DPP10: variants seen among roughly 807,000 people sequenced by gnomAD.
The protein encoded by DPP10 is inactive dipeptidyl peptidase 10.
Under a neutral mutation model 120.9 loss-of-function variants are expected in DPP10, and 33 were observed. The observed-to-expected ratio is 0.27, with a 90% CI of 0.21 to 0.37. DPP10 has a LOEUF of 0.37. DPP10 is among the 10% of genes least tolerant of loss of function. The pLI is 1.00. For synonymous variants in DPP10, 337 were observed against 326.1 expected (o/e 1.03, Z -0.36); for missense variants, 816 against 942.8 (o/e 0.87, Z 1.76).
At position 114,662,338 on chromosome 2, in the gene DPP10, G is replaced by A. The variant is rs565805537; in HGVS notation, c.60+219500G>A. On this transcript the variant is annotated intron_variant, in intron 1 of 25. Transcript: ENST00000410059. ...CACGCGGGCCTCCCTGCGGGGGCGC[G>A]GGCACCGCTGCGCGGGGAGCTCCGG... Among the ~76,000 whole-genome samples, 5 of 152,282 alleles carry A rather than the reference G, an allele frequency of 3.3e-5. No individual in the cohort carries two copies. The East Asian group carries it at 9.7e-4, about 30-fold the overall frequency.
chr2:115,457,795 A>C (rs2073694957), intron 3 of DPP10, among the ~76,000 whole-genome samples: 1 of 152,174 alleles, frequency 6.6e-6, no homozygotes, highest in Non-Finnish European at 1.5e-5. Context: ...ATAACCCAGT[A>C]ATTCCACTGT....
Position 115,461,947 on chromosome 2 carries a change from G to T in DPP10, c.272-37563G>T, listed in dbSNP as rs372860008. On this transcript the variant is annotated intron_variant, in intron 3 of 25. Transcript: ENST00000410059. ...GGCATAATTTAATAAATGCCCTTTC[G>T]TGTGGACCTTTGGAATGTCTTTTAT... Among the ~76,000 whole-genome samples the T allele has an allele frequency of 3.6e-4, 55 of 152,066 alleles. No homozygotes were observed. The East Asian group carries it at 5.8e-3, about 16-fold the overall frequency.
chr2:115,481,613 A>G (rs2075433646), intron 3 of DPP10, among the ~76,000 whole-genome samples: 1 of 152,118 alleles, frequency 6.6e-6, no homozygotes, highest in African/African-American at 2.4e-5. Context: ...CAGCTCTACA[A>G]AACATTTTGG....
intron 19 of DPP10, among the ~76,000 whole-genome samples, chr2:115,807,973 C>A (rs1686204085): frequency 6.6e-6 from 1 of 151,782 alleles, no homozygotes; most frequent in Non-Finnish European, 1.5e-5. Flanking sequence ...AGAATGTTTT[C>A]TTTAAAATCA....
chr2:115,239,189 A>T (rs1318500277), intron 1 of DPP10, among the ~76,000 whole-genome samples: 3 of 152,204 alleles, frequency 2.0e-5, no homozygotes, highest in Admixed American at 6.5e-5. Context: ...CAGGATCAAT[A>T]GCTTGCATCC....
chr2:114,977,284 T>A (rs1272643599), intron 1 of DPP10, among the ~76,000 whole-genome samples: 2 of 152,198 alleles, frequency 1.3e-5, no homozygotes, highest in East Asian at 1.9e-4. Flanking sequence ...ATGCCATTTT[T>A]AAAATCTCAT....
intron 19 of DPP10, among the ~76,000 whole-genome samples, chr2:115,796,268 C>G (rs1249483076): frequency 6.6e-6 from 1 of 152,098 alleles, no homozygotes. Flanking sequence ...TCCAGACACA[C>G]TTCCAGATAA....
At chr2:115,103,872 G>A (rs2048818407) in intron 1 of DPP10, among the ~76,000 whole-genome samples, 1 of 152,068 alleles carries the variant, frequency 6.6e-6, no homozygotes, top group Non-Finnish European at 1.5e-5. Context: ...TATCCAAAAT[G>A]CTTAGGACCA....
rs1469498967 is a variant in DPP10, at chr2:115,008,765, G to A, written c.61-300474G>A. Among the ~76,000 whole-genome samples, 34 of 67,584 alleles carry A rather than the reference G, an allele frequency of 5.0e-4. 1 individual carries two copies. The highest frequency in any genetic ancestry group is 1.2e-3 in the African/African-American group (28 of 22,796). The allele number at this position is 67,584 out of a possible 152,430, so 44.3% of individuals were successfully genotyped here. ...CAAACAACCCCATCAAAAAGTGGGCGAAGGACGTGAACAGACACTTCTCAA... is the reference window on the plus strand; with the variant it reads ...CAAACAACCCCATCAAAAAGTGGGCAAAGGACGTGAACAGACACTTCTCAA... On this transcript the variant is annotated intron_variant, in intron 1 of 25. Transcript: ENST00000410059.
At chr2:115,313,930 C>T (rs1352650349) in intron 2 of DPP10, among the ~76,000 whole-genome samples, 2 of 151,998 alleles carry the variant, frequency 1.3e-5, no homozygotes, top group East Asian at 1.9e-4. Flanking sequence ...AGTTTACCCA[C>T]GTTTATTTTG....
At chr2:114,891,355 T>A (rs1289639082) in intron 1 of DPP10, among the ~76,000 whole-genome samples, 1 of 152,240 alleles carries the variant, frequency 6.6e-6, no homozygotes, top group Non-Finnish European at 1.5e-5. Context: ...CCACATGTAC[T>A]TAATATCTAA....
At chr2:115,528,669 A>G (rs1049164051) in intron 5 of DPP10, among the ~76,000 whole-genome samples, 6 of 152,152 alleles carry the variant, frequency 3.9e-5, no homozygotes, top group Non-Finnish European at 7.3e-5. Flanking sequence ...CCCATGTAAT[A>G]AATATTCAGC....
At chr2:114,777,705 C>T (rs891273146) in intron 1 of DPP10, among the ~76,000 whole-genome samples, 1 of 151,836 alleles carries the variant, frequency 6.6e-6, no homozygotes, top group African/African-American at 2.4e-5. Context: ...GATATGAAGC[C>T]CAAAGCAGTA....
intron 3 of DPP10, among the ~76,000 whole-genome samples, chr2:115,378,818 T>G (rs1481454381): frequency 6.6e-6 from 1 of 152,200 alleles, no homozygotes; most frequent in African/African-American, 2.4e-5. Flanking sequence ...ATCATGTGGT[T>G]TTTGTCTTTG....
Position 115,455,571 on chromosome 2 carries a change from G to A in DPP10, c.272-43939G>A, listed in dbSNP as rs559642460. Among the ~76,000 whole-genome samples the A allele has an allele frequency of 1.2e-4, 18 of 151,852 alleles. No homozygotes were observed. In the South Asian group the frequency reaches 2.3e-3, roughly 19 times the overall value. On this transcript the variant is annotated intron_variant, in intron 3 of 25. Transcript: ENST00000410059. ...ATGCTACCTGACTTTAAACTACACC[G>A]CAAGGCTACAGTAACCAAAACAGCA...
At chr2:115,478,794 A>C (rs2105247499) in intron 3 of DPP10, among the ~76,000 whole-genome samples, 1 of 152,342 alleles carries the variant, frequency 6.6e-6, no homozygotes, top group East Asian at 1.9e-4. Context: ...ATAATCATGA[A>C]AAAAGATGCT....
At chr2:115,280,005 C>T (rs1465612998) in intron 1 of DPP10, among the ~76,000 whole-genome samples, 1 of 152,016 alleles carries the variant, frequency 6.6e-6, no homozygotes, top group Non-Finnish European at 1.5e-5. Context: ...CTGTTATGCC[C>T]AGTGGGAGAA....
At chr2:115,613,220 G>A (rs900630186) in intron 5 of DPP10, among the ~76,000 whole-genome samples, 2 of 152,116 alleles carry the variant, frequency 1.3e-5, no homozygotes, top group Admixed American at 6.6e-5. Flanking sequence ...GATGTTCTTG[G>A]CATGGTATTG....
At chr2:114,530,469 A>G (rs1400620005) in intron 1 of DPP10, among the ~76,000 whole-genome samples, 1 of 152,138 alleles carries the variant, frequency 6.6e-6, no homozygotes, top group African/African-American at 2.4e-5. Context: ...TAAGCTGAAA[A>G]CTGACTTGAG....
Sources: gnomAD v4.1 joint callset for allele counts (sites outside exome capture counted in the v4.1 genomes callset) on GRCh38, gnomAD v4.1.1 for gene constraint, MANE v1.5 for transcripts, NCBI Gene and HGNC (gene_info 2026-07-23, HGNC 2026-07-21) for gene names.